The following ABCC5 variants were observed in gnomAD, a reference collection of about 807,000 sequenced individuals.
ABCC5 encodes the protein ATP-binding cassette sub-family C member 5.
ABCC5 carries 61 observed loss-of-function variants against 160.9 expected under a neutral mutation model. The ratio of observed to expected loss-of-function variants is 0.38; its 90% CI spans 0.31 to 0.47. The LOEUF (loss-of-function observed/expected upper bound fraction) is 0.47. ABCC5 is among the 20% of genes least tolerant of loss of function. The pLI, the probability that ABCC5 is intolerant of heterozygous loss-of-function variation, is 0.99. For synonymous variants in ABCC5, 666 were observed against 700.6 expected, an observed-to-expected ratio of 0.95 and a Z score of 0.78; for missense variants, 1,308 against 1,813.3, an observed-to-expected ratio of 0.72 and a Z score of 5.06.
At chr3:183,961,397 C>T (rs550967375) in intron 16 of ABCC5, 114 bp downstream of exon 16, 1 of 1,336,174 alleles carries the variant, frequency 7.5e-7, no homozygotes, top group Non-Finnish European at 1.0e-6. Flanking sequence ...AAACAGGGCC[C>T]CTGCCAATAA....
In ABCC5 at chr3:184,013,316, C is replaced by G. The variant is rs541945201; in HGVS notation, c.129+948G>C. ...TGTTGCCCAGGCTGGAGTGCAGTGGCGTGATCTTGGCTCACTGCAACCTCT... is the reference window on the plus strand; with the variant it reads ...TGTTGCCCAGGCTGGAGTGCAGTGGGGTGATCTTGGCTCACTGCAACCTCT... On this transcript the variant is annotated intron_variant, in intron 2 of 29. Transcript: ENST00000334444. Among the ~76,000 whole-genome samples the G allele has an allele frequency of 5.3e-5, 8 of 152,156 alleles. No homozygotes were observed. In the South Asian group the frequency reaches 1.7e-3, roughly 32 times the overall value.
At chr3:183,981,294 C>G (rs1196074742) in intron 8 of ABCC5, among the ~76,000 whole-genome samples, 2 of 152,170 alleles carry the variant, frequency 1.3e-5, no homozygotes, top group African/African-American at 4.8e-5. Context: ...TCCAGCCATC[C>G]TGACTCCCAG....
intron 2 of ABCC5, chr3:184,006,311 A>T (rs1260472838): frequency 1.3e-5 from 2 of 152,050 alleles, no homozygotes; most frequent in Non-Finnish European, 2.9e-5. Context: ...AAAAAAAAAA[A>T]AAAAAAAAGG....
chr3:183,950,424 TGAA>T (rs990862801), intron 20 of ABCC5, among the ~76,000 whole-genome samples: 5 of 152,290 alleles, frequency 3.3e-5, no homozygotes, highest in African/African-American at 1.2e-4. Context: ...AATAAATATG[TGAA>T]GAAGAAAACA....
intron 2 of ABCC5, chr3:184,009,878 G>T (rs1291802259): frequency 5.0e-5 from 17 of 338,402 alleles, no homozygotes; most frequent in Middle Eastern, 5.1e-4. Flanking sequence ...GCAGGGTGTG[G>T]TGCCACATGC....
intron 5 of ABCC5, chr3:183,984,660 C>A: frequency 6.9e-7 from 1 of 1,452,532 alleles, no homozygotes; most frequent in Non-Finnish European, 9.0e-7. Flanking sequence ...CACCTCTCCC[C>A]TCCCTCAGAT....
intron 25 of ABCC5, 114 bp from the exon 26 acceptor site, chr3:183,938,174 T>A: frequency 3.0e-6 from 3 of 1,012,018 alleles, no homozygotes; most frequent in Non-Finnish European, 4.4e-6. Context: ...CAGTTGTTAT[T>A]TCAACTGATT....
At chr3:183,947,587 G>C (rs2108791052) in intron 22 of ABCC5, 77 bp from the exon 23 acceptor site, 2 of 1,161,986 alleles carry the variant, frequency 1.7e-6, no homozygotes, top group Non-Finnish European at 2.4e-6. Flanking sequence ...CAGCGAATCA[G>C]ATGATGGAGG....
chr3:183,948,810 C>T (rs556844427), intron 22 of ABCC5, among the ~76,000 whole-genome samples: 4 of 152,256 alleles, frequency 2.6e-5, no homozygotes, highest in Admixed American at 1.3e-4. Flanking sequence ...TCAAGTGATT[C>T]TCCTGCCTCA....
chr3:184,012,681 G>A (rs1721858172), intron 2 of ABCC5, among the ~76,000 whole-genome samples: 1 of 152,162 alleles, frequency 6.6e-6, no homozygotes, highest in Non-Finnish European at 1.5e-5. Context: ...CTAGCACTCA[G>A]ATGTAATGGA....
chr3:184,005,674 T>C (rs1339040112), intron 2 of ABCC5, among the ~76,000 whole-genome samples: 1 of 151,630 alleles, frequency 6.6e-6, no homozygotes, highest in Non-Finnish European at 1.5e-5. Context: ...GAGATATACC[T>C]AATGTAAATG....
chr3:183,978,480 C>T (rs1474579923), intron 9 of ABCC5, 23 bp downstream of exon 9: 4 of 1,598,318 alleles, frequency 2.5e-6, no homozygotes, highest in Non-Finnish European at 3.4e-6. Flanking sequence ...TAAAATGTTC[C>T]CCATCCCTGA....
At chr3:183,953,064 T>C (rs756766559) in intron 18 of ABCC5, 22 bp downstream of exon 18, 3 of 1,604,114 alleles carry the variant, frequency 1.9e-6, no homozygotes, top group East Asian at 2.2e-5. Context: ...CACAGAACTT[T>C]CCCATTTATG....
chr3:183,962,789 A>G (rs908512989), intron 15 of ABCC5, among the ~76,000 whole-genome samples: 2 of 152,058 alleles, frequency 1.3e-5, no homozygotes, highest in African/African-American at 4.8e-5. Context: ...CCCAAAGTGC[A>G]GGGATTACAG....
chr3:183,984,130 G>C lies in ABCC5; in HGVS notation c.592-1123C>G, dbSNP rs183724232. ...AACAAAACGAAAAGCTCCCCAAAGA[G>C]GTACTCTGCTCAAAATGGCTGGTGC... On this transcript the variant is annotated intron_variant, in intron 5 of 29. Coordinates refer to ENST00000334444, the MANE Select transcript of ABCC5 (RefSeq NM_005688.4). 1.1e-5 allele frequency: 11 copies of C among 985,364 alleles called. No individual in the cohort carries two copies. The Admixed American group carries it at 3.1e-4, about 28-fold the overall frequency. 61.0% of individuals were successfully genotyped at this position (985,364 alleles called of 1,614,324 possible).
intron 15 of ABCC5, among the ~76,000 whole-genome samples, chr3:183,961,892 G>T (rs1437168272): frequency 6.6e-6 from 1 of 152,124 alleles, no homozygotes; most frequent in East Asian, 1.9e-4. Context: ...CGATTCTCCT[G>T]CCTCAGCCTC....
At chr3:183,927,524 T>C in intron 27 of ABCC5, 81 bp from the exon 28 acceptor site, 3 of 1,520,646 alleles carry the variant, frequency 2.0e-6, no homozygotes, top group Non-Finnish European at 2.7e-6. Flanking sequence ...AAAGAAATGA[T>C]TCTGAAAGCG....
At chr3:183,960,941 A>G (rs1041462201) in intron 16 of ABCC5, among the ~76,000 whole-genome samples, 1 of 151,826 alleles carries the variant, frequency 6.6e-6, no homozygotes, top group Admixed American at 6.6e-5. Flanking sequence ...GCCTGCCACC[A>G]CACCTGGCTA....
chr3:183,956,616 T>G (rs192970262), intron 17 of ABCC5, among the ~76,000 whole-genome samples: 8,981 of 107,292 alleles, frequency 0.084, 310 homozygotes, highest in Middle Eastern at 0.19. Context: ...ATATCACATC[T>G]GTTACATGCA....
Sources: allele counts gnomAD v4.1 joint callset (sites outside exome capture counted in the v4.1 genomes callset), GRCh38; gene constraint gnomAD v4.1.1; transcripts MANE v1.5; gene names NCBI Gene and HGNC (gene_info 2026-07-23, HGNC 2026-07-21).